PARP8: variants seen among roughly 807,000 people sequenced by gnomAD.
PARP8 encodes the protein poly(ADP-ribose) polymerase family member 8, also known as protein mono-ADP-ribosyltransferase PARP8.
Under a neutral mutation model 124.1 loss-of-function variants are expected in PARP8, and 51 were observed. That is an observed-to-expected ratio of 0.41 (90% CI 0.33 to 0.52). The LOEUF is 0.52. Among genes scored for constraint, PARP8 ranks in the 20% least tolerant of loss-of-function variants. The pLI, the probability that PARP8 is intolerant of heterozygous loss-of-function variation, is 0.21. For synonymous variants in PARP8, 391 were observed against 361.5 expected, an observed-to-expected ratio of 1.08 and a Z score of -0.93; for missense variants, 860 against 1,018.9, an observed-to-expected ratio of 0.84 and a Z score of 2.12.
At chr5:50,759,440 G>A (rs1760312253) in intron 3 of PARP8, among the ~76,000 whole-genome samples, 1 of 152,116 alleles carries the variant, frequency 6.6e-6, no homozygotes, top group African/African-American at 2.4e-5. Context: ...AGATACAAAT[G>A]TCTTTAAAGA....
chr5:50,747,877 A>G (rs1231529564), intron 2 of PARP8, among the ~76,000 whole-genome samples: 2 of 139,058 alleles, frequency 1.4e-5, no homozygotes, highest in African/African-American at 2.7e-5. Context: ...GGTTCACGCC[A>G]TTCTCCTGCC....
intron 5 of PARP8, among the ~76,000 whole-genome samples, chr5:50,761,295 AC>A (rs1341333700): frequency 6.6e-6 from 1 of 152,138 alleles, no homozygotes; most frequent in African/African-American, 2.4e-5. Context: ...TAAATTAAAT[AC>A]CCTTTTGAAA....
At chr5:50,771,703 C>A (rs1761647664) in intron 7 of PARP8, among the ~76,000 whole-genome samples, 1 of 152,136 alleles carries the variant, frequency 6.6e-6, no homozygotes, top group African/African-American at 2.4e-5. Flanking sequence ...AGATACTGTG[C>A]TTTACACAAT....
chr5:50,764,174 G>T (rs528200651), intron 7 of PARP8, among the ~76,000 whole-genome samples: 1 of 152,028 alleles, frequency 6.6e-6, no homozygotes, highest in African/African-American at 2.4e-5. Flanking sequence ...TTTATTATTC[G>T]TCTCATGTCT....
At chr5:50,817,732 C>T (rs1351131543) in intron 15 of PARP8, among the ~76,000 whole-genome samples, 3 of 152,138 alleles carry the variant, frequency 2.0e-5, no homozygotes, top group Admixed American at 1.3e-4. Context: ...CTTTTTTAGA[C>T]TACATTGTAT....
intron 2 of PARP8, among the ~76,000 whole-genome samples, chr5:50,697,946 A>C (rs571124086): frequency 6.6e-6 from 1 of 152,274 alleles, no homozygotes; most frequent in African/African-American, 2.4e-5. Flanking sequence ...TTCCTTTTTC[A>C]TCTCCTTTGT....
intron 2 of PARP8, among the ~76,000 whole-genome samples, chr5:50,680,310 T>C (rs973492380): frequency 6.6e-6 from 1 of 152,094 alleles, no homozygotes; most frequent in African/African-American, 2.4e-5. Context: ...CCACAATGAC[T>C]CTCATGGCTG....
chr5:50,776,787 G>A (rs1580305686), intron 7 of PARP8, among the ~76,000 whole-genome samples: 3 of 152,142 alleles, frequency 2.0e-5, no homozygotes, highest in Admixed American at 6.5e-5. Context: ...CTATAAAAGT[G>A]CCACAATTAT....
chr5:50,797,103 T>G, intron 13 of PARP8, 35 bp from the exon 14 acceptor site: 1 of 1,609,014 alleles, frequency 6.2e-7, no homozygotes, highest in Non-Finnish European at 8.5e-7. Flanking sequence ...ATTTATGAGC[T>G]TGTCTTAATT....
chr5:50,820,468 C>G (rs1326672261), intron 15 of PARP8, among the ~76,000 whole-genome samples: 1 of 152,138 alleles, frequency 6.6e-6, no homozygotes, highest in Non-Finnish European at 1.5e-5. Flanking sequence ...TATCAAACTG[C>G]TATATAGTAC....
At chr5:50,706,150 G>A (rs1754126270) in intron 2 of PARP8, among the ~76,000 whole-genome samples, 1 of 151,988 alleles carries the variant, frequency 6.6e-6, no homozygotes, top group Non-Finnish European at 1.5e-5. Flanking sequence ...TTTTAAAATT[G>A]GTATCAGTGT....
intron 2 of PARP8, among the ~76,000 whole-genome samples, chr5:50,687,230 C>A (rs1451059870): frequency 6.6e-6 from 1 of 152,142 alleles, no homozygotes; most frequent in East Asian, 1.9e-4. Context: ...GTTTAAAGTT[C>A]CACAAATCTT....
chr5:50,717,432 C>G (rs912936932), intron 2 of PARP8, among the ~76,000 whole-genome samples: 3 of 151,968 alleles, frequency 2.0e-5, no homozygotes, highest in African/African-American at 7.2e-5. Context: ...ATGGGAAGAA[C>G]AGATTTCAGG....
intron 2 of PARP8, among the ~76,000 whole-genome samples, chr5:50,680,589 A>C (rs1751178761): frequency 6.6e-6 from 1 of 152,198 alleles, no homozygotes; most frequent in African/African-American, 2.4e-5. Flanking sequence ...GATTCTCCCC[A>C]ACTCTCATTC....
rs1391441427 is a variant in PARP8, at chr5:50,846,334, T to C, written c.*4266T>C. On this transcript the variant is annotated 3_prime_UTR_variant, in exon 26 of 26. Transcript: ENST00000281631. ...TGGTGCCTTAGAATTATTATAAATA[T>C]TTAACAATATGTACATAATGTAAAT... The C allele has an allele frequency of 6.6e-6, 1 of 151,774 alleles. No homozygotes were observed. The highest frequency in any genetic ancestry group is 2.4e-5 in the African/African-American group (1 of 41,410). 9.4% of individuals were successfully genotyped at this position (151,774 alleles called of 1,614,324 possible).
chr5:50,828,938 G>A (rs1746646247), intron 21 of PARP8, among the ~76,000 whole-genome samples: 1 of 151,916 alleles, frequency 6.6e-6, no homozygotes, highest in South Asian at 2.1e-4. Flanking sequence ...AATTCCCTCT[G>A]AGAAAACAGT....
chr5:50,725,770 T>C (rs1580109380), intron 2 of PARP8, among the ~76,000 whole-genome samples: 1 of 152,202 alleles, frequency 6.6e-6, no homozygotes, highest in East Asian at 1.9e-4. Flanking sequence ...GAAGTAGATC[T>C]GCTGGATCTT....
chr5:50,810,257 T>G (rs1261161768), intron 14 of PARP8, among the ~76,000 whole-genome samples: 1 of 151,958 alleles, frequency 6.6e-6, no homozygotes, highest in African/African-American at 2.4e-5. Context: ...AATATAATAT[T>G]AAGAATAGGT....
chr5:50,738,532 T>A (rs1335918673), intron 2 of PARP8, among the ~76,000 whole-genome samples: 1 of 152,124 alleles, frequency 6.6e-6, no homozygotes. Flanking sequence ...ATGCTTACAC[T>A]GAAACATCTC....
Sources: allele counts gnomAD v4.1 joint callset (sites outside exome capture counted in the v4.1 genomes callset), GRCh38; gene constraint gnomAD v4.1.1; transcripts MANE v1.5; gene names NCBI Gene and HGNC (gene_info 2026-07-23, HGNC 2026-07-21).